TFR2: variants seen among roughly 807,000 people sequenced by gnomAD.
The protein encoded by TFR2 is transferrin receptor 2.
Under a neutral mutation model 91.9 loss-of-function variants are expected in TFR2, and 64 were observed. That is an observed-to-expected ratio of 0.70 (90% CI 0.57 to 0.86). TFR2 has a LOEUF of 0.86. Ranked by LOEUF, TFR2 falls within the 40% of genes least tolerant of loss-of-function variation. The pLI is 0.00. For missense variants in TFR2, 950 were observed against 1,080.5 expected, an observed-to-expected ratio of 0.88 and a Z score of 1.69; for synonymous variants, 454 against 459.6, an observed-to-expected ratio of 0.99 and a Z score of 0.15.
intron 3 of TFR2, chr7:100,639,838 G>A (rs1352277250): frequency 4.3e-5 from 6 of 139,250 alleles, no homozygotes; most frequent in African/African-American, 8.2e-5. Context: ...AGGCTGAAGT[G>A]CAGTGGCGTG....
At chr7:100,638,578 C>T (rs1428334972) in intron 3 of TFR2, among the ~76,000 whole-genome samples, 3 of 151,416 alleles carry the variant, frequency 2.0e-5, no homozygotes, top group African/African-American at 4.9e-5. Context: ...GGTGAAACCC[C>T]GTCTCTACTA....
chr7:100,627,386 GCTGGGCCACGGC>G lies in TFR2; in HGVS notation c.1861_1872del (p.Ala621_Gln624del), dbSNP rs80338888. The G allele has an allele frequency of 8.3e-6, 13 of 1,559,462 alleles. No individual in the cohort carries two copies. Among genetic ancestry groups the G allele is most frequent in the Middle Eastern group, 1.7e-4 (1 of 5,972 alleles). ...AGCCGGATGAGGAGCTGCCCTGCGA[GCTGGGCCACGGC>G]CTGGGCCACGGCGGGCAGGCGGCCT... is the stretch of plus-strand genomic sequence containing the variant. On this transcript the variant is annotated inframe_deletion, in exon 16 of 18. Transcript: ENST00000223051.
In TFR2 at chr7:100,620,870, T is replaced by C. The variant is rs921525730; in HGVS notation, c.2393A>G (p.Asp798Gly). 1.2e-6 allele frequency: 2 copies of C among 1,614,052 alleles called. No individual in the cohort carries two copies. Among genetic ancestry groups the C allele is most frequent in the Non-Finnish European group, 1.7e-6 (2 of 1,179,882 alleles). The change falls in exon 18 of 18, where the codon GAT becomes GGT. Residue 798 changes from aspartate to glycine, a missense_variant. Asp to Gly is a moderately conservative substitution (Grantham distance 94). Coordinates refer to ENST00000223051, the MANE Select transcript of TFR2 (RefSeq NM_003227.4). ...ATCCCCAGGGCCTCAGAAGTTGTTATCAATGTTCCAGACATCCCCGCTAAG... is the reference window on the plus strand; with the variant it reads ...ATCCCCAGGGCCTCAGAAGTTGTTACCAATGTTCCAGACATCCCCGCTAAG... ...NALSGDVWNI[D>G]NNF
At chr7:100,634,342 G>A (rs552313495) in intron 3 of TFR2, among the ~76,000 whole-genome samples, 5 of 152,208 alleles carry the variant, frequency 3.3e-5, no homozygotes, top group Non-Finnish European at 5.9e-5. Flanking sequence ...GGGAATCACC[G>A]GTTCCTGGGC....
chr7:100,634,299 C>T (rs1170298949), intron 3 of TFR2, among the ~76,000 whole-genome samples: 1 of 152,060 alleles, frequency 6.6e-6, no homozygotes, highest in East Asian at 1.9e-4. Flanking sequence ...TCCACGTGGG[C>T]CTCATGGAGA....
rs1562840386 is a variant in TFR2, at chr7:100,630,236, C to CCTTCCTTCCTT, written c.1270+652_1270+653insAAGGAAGGAAG. ...CCTTCCTTCCTTCCTTCCTTCCTTT[C>CCTTCCTTCCTT]TCTCTCTCTCTTTCTTTCTTTTTTT... On this transcript the variant is annotated intron_variant, in intron 9 of 17. Coordinates refer to ENST00000223051, the MANE Select transcript of TFR2 (RefSeq NM_003227.4). Among the ~76,000 whole-genome samples the CCTTCCTTCCTT allele has an allele frequency of 2.7e-5, 4 of 150,198 alleles. No homozygotes were observed. In the Admixed American group the frequency reaches 2.7e-4, roughly 10 times the overall value.
chr7:100,631,465 A>G (rs1162462039), intron 8 of TFR2: 12 of 302,180 alleles, frequency 4.0e-5, no homozygotes, highest in Non-Finnish European at 6.4e-5. Flanking sequence ...TCTACTAAAA[A>G]TACAAAAATT....
At chr7:100,641,356 A>AT in intron 1 of TFR2, 121 bp downstream of exon 1, 1 of 426,982 alleles carries the variant, frequency 2.3e-6, no homozygotes, top group Non-Finnish European at 4.1e-6. Context: ...GGGGAGGGGC[A>AT]GGGGTGGGAA....
intron 17 of TFR2, among the ~76,000 whole-genome samples, chr7:100,621,462 C>G (rs1035531914): frequency 1.5e-4 from 23 of 152,296 alleles, no homozygotes; most frequent in African/African-American, 5.5e-4. Context: ...CCGTGTTGGC[C>G]AGGCTGGTCT....
intron 10 of TFR2, among the ~76,000 whole-genome samples, chr7:100,628,782 T>A (rs1311568707): frequency 6.6e-6 from 1 of 151,666 alleles, no homozygotes; most frequent in African/African-American, 2.4e-5. Context: ...TCTTTCTTTT[T>A]TTTAGAAGGA....
intron 3 of TFR2, among the ~76,000 whole-genome samples, chr7:100,634,109 C>T (rs181953269): frequency 1.8e-3 from 273 of 151,706 alleles, no homozygotes; most frequent in African/African-American, 5.9e-3. Flanking sequence ...GGGGTCCTGC[C>T]CATCATCCTG....
At chr7:100,639,204 A>G (rs932171213) in intron 3 of TFR2, among the ~76,000 whole-genome samples, 1 of 151,906 alleles carries the variant, frequency 6.6e-6, no homozygotes, top group Non-Finnish European at 1.5e-5. Context: ...TGTCTCTACT[A>G]AAAAATACAA....
intron 3 of TFR2, among the ~76,000 whole-genome samples, chr7:100,637,278 A>G (rs1803592564): frequency 6.6e-6 from 1 of 152,102 alleles, no homozygotes; most frequent in African/African-American, 2.4e-5. Flanking sequence ...GCATGACTGT[A>G]ATCCCAGCTA....
rs1221422629 is a variant in TFR2 at position 100,626,853 on chromosome 7, G to A, written c.2046C>T (p.Ile682=). ...QWVYSARGDY[I]RAAEKLRQEI... ...CCTGCCGCAGCTTTTCCGCCGCCCGGATGTAGTCCCCCCGCGCCGAGTACA... is the reference window on the plus strand; with the variant it reads ...CCTGCCGCAGCTTTTCCGCCGCCCGAATGTAGTCCCCCCGCGCCGAGTACA... Residue 682 remains isoleucine (I), a synonymous_variant, in exon 17 of 18, where the codon ATC becomes ATT. Coordinates refer to ENST00000223051, the MANE Select transcript of TFR2 (RefSeq NM_003227.4). 24 of 1,548,940 alleles carry A rather than the reference G, an allele frequency of 1.5e-5. No individual in the cohort carries two copies. The highest frequency in any genetic ancestry group is 2.1e-5 in the Non-Finnish European group (24 of 1,147,166).
At position 100,632,203 on chromosome 7, in the gene TFR2, G is replaced by A; in HGVS notation, c.850-5C>T. Reference sequence around the variant, plus strand: ...GAAGTCCTGAGCATTGGTCACCTGGGGAGGAAGGTGACTAGAGGACTCCTC... The same window carrying A: ...GAAGTCCTGAGCATTGGTCACCTGGAGAGGAAGGTGACTAGAGGACTCCTC... On this transcript the variant is annotated splice_polypyrimidine_tract_variant and splice_region_variant and intron_variant, in intron 6 of 17. Coordinates refer to ENST00000223051, the MANE Select transcript of TFR2 (RefSeq NM_003227.4). 6.2e-7 allele frequency: 1 copy of A among 1,613,252 alleles called. No homozygotes were observed. The highest frequency in any genetic ancestry group is 1.1e-5 in the South Asian group (1 of 91,058).
At chr7:100,621,919 C>G (rs939372915) in intron 17 of TFR2, among the ~76,000 whole-genome samples, 1 of 152,286 alleles carries the variant, frequency 6.6e-6, no homozygotes, top group Admixed American at 6.5e-5. Flanking sequence ...TGCTTCCACC[C>G]GTGGGCAGGT....
In TFR2 at chr7:100,627,952, C is replaced by A; in HGVS notation, c.1560G>T (p.Lys520Asn). The change falls in exon 13 of 18, where the codon AAG becomes AAT. Residue 520 changes from lysine (K) to asparagine (N), a missense_variant. Coordinates refer to ENST00000223051, the MANE Select transcript of TFR2 (RefSeq NM_003227.4). ...TGAGACTTGTCAGAAGGGGGCTGGT[C>A]TTGGCATGAAACTTGTCATCCCCTG... ...AVLGDDKFHA[K>N]TSPLLTSLIE... The A allele has an allele frequency of 6.2e-7, 1 of 1,614,038 alleles. No homozygotes were observed. Among genetic ancestry groups the A allele is most frequent in the Non-Finnish European group, 8.5e-7 (1 of 1,179,952 alleles).
intron 9 of TFR2, among the ~76,000 whole-genome samples, chr7:100,630,268 C>G (rs1053786818): frequency 6.7e-6 from 1 of 148,616 alleles, no homozygotes; most frequent in Non-Finnish European, 1.5e-5. Context: ...TTTTCTTTCT[C>G]TTTCTCTCTT....
Position 100,626,805 on chromosome 7 carries a change from T to G in TFR2, c.2094A>C (p.Arg698Ser). The G allele has an allele frequency of 6.5e-7, 1 of 1,548,832 alleles. No homozygotes were observed. Among genetic ancestry groups the G allele is most frequent in the Non-Finnish European group, 8.7e-7 (1 of 1,146,886 alleles). The change falls in exon 17 of 18, where the codon AGA (arginine) becomes AGC (serine). Residue 698 changes from arginine (R) to serine (S), a missense_variant. Transcript: ENST00000223051. ...TGTACATGCGTGTCAGTCGCTCGTC[T>G]CTCTCCTCCGAGCTGTAGATCTCCT... ...LRQEIYSSEE[R>S]DERLTRMYNV...
Sources: allele counts gnomAD v4.1 joint callset (sites outside exome capture counted in the v4.1 genomes callset), GRCh38; gene constraint gnomAD v4.1.1; transcripts MANE v1.5; gene names NCBI Gene and HGNC (gene_info 2026-07-23, HGNC 2026-07-21).